MYO1E: variants seen among roughly 807,000 people sequenced by gnomAD.
The protein encoded by MYO1E is myosin IE.
MYO1E carries 68 observed loss-of-function variants against 151.1 expected under a neutral mutation model. That is an observed-to-expected ratio of 0.45 (90% CI 0.37 to 0.55). MYO1E has a LOEUF of 0.55. Ranked by LOEUF, MYO1E falls within the 20% of genes least tolerant of loss-of-function variation. The pLI is 0.00. For synonymous variants in MYO1E, 601 were observed against 501.7 expected, an observed-to-expected ratio of 1.20 and a Z score of -2.64; for missense variants, 1,363 against 1,389.3, an observed-to-expected ratio of 0.98 and a Z score of 0.30.
At chr15:59,200,467 C>T (rs2079794303) in intron 16 of MYO1E, among the ~76,000 whole-genome samples, 1 of 151,998 alleles carries the variant, frequency 6.6e-6, no homozygotes, top group African/African-American at 2.4e-5. Flanking sequence ...ACATGATGTT[C>T]TTGACGCTCA....
At chr15:59,358,148 T>A (rs2080865458) in intron 1 of MYO1E, among the ~76,000 whole-genome samples, 1 of 152,140 alleles carries the variant, frequency 6.6e-6, no homozygotes, top group Non-Finnish European at 1.5e-5. Context: ...CTTGCCACAT[T>A]GTCCTCCATG....
intron 1 of MYO1E, among the ~76,000 whole-genome samples, chr15:59,368,893 T>C (rs2080929464): frequency 6.6e-6 from 1 of 152,228 alleles, no homozygotes; most frequent in Non-Finnish European, 1.5e-5. Context: ...TCCAAGGAGA[T>C]GCCTGGGCTG....
intron 25 of MYO1E, among the ~76,000 whole-genome samples, chr15:59,156,665 G>A (rs1378790019): frequency 6.6e-6 from 1 of 152,174 alleles, no homozygotes; most frequent in Non-Finnish European, 1.5e-5. Context: ...TTGGACATTG[G>A]TACAAATAGA....
At chr15:59,310,390 G>A (rs2080543589) in intron 1 of MYO1E, among the ~76,000 whole-genome samples, 1 of 152,202 alleles carries the variant, frequency 6.6e-6, no homozygotes, top group Admixed American at 6.5e-5. Context: ...ATCAAGTTAA[G>A]ACGAAGTCAG....
At chr15:59,352,464 G>C (rs748904132) in intron 1 of MYO1E, among the ~76,000 whole-genome samples, 1 of 152,098 alleles carries the variant, frequency 6.6e-6, no homozygotes, top group Non-Finnish European at 1.5e-5. Context: ...GGATGCCCAC[G>C]CTATTAGTCC....
At chr15:59,340,285 G>C (rs955820377) in intron 1 of MYO1E, among the ~76,000 whole-genome samples, 3 of 152,080 alleles carry the variant, frequency 2.0e-5, no homozygotes, top group African/African-American at 7.2e-5. Flanking sequence ...ACTCCAGCCA[G>C]GATGACAAGC....
intron 2 of MYO1E, among the ~76,000 whole-genome samples, chr15:59,268,553 A>C (rs1240960372): frequency 6.6e-6 from 1 of 152,040 alleles, no homozygotes; most frequent in African/African-American, 2.4e-5. Context: ...CCATGCCAAA[A>C]ATTATGCAGA....
chr15:59,178,958 G>C (rs1432559124), intron 18 of MYO1E, among the ~76,000 whole-genome samples: 1 of 152,218 alleles, frequency 6.6e-6, no homozygotes, highest in Non-Finnish European at 1.5e-5. Context: ...CTGCTAAACA[G>C]CTATTATGAC....
intron 23 of MYO1E, among the ~76,000 whole-genome samples, chr15:59,162,222 T>C (rs2079541737): frequency 6.6e-6 from 1 of 152,204 alleles, no homozygotes; most frequent in African/African-American, 2.4e-5. Context: ...TATTTTTTAC[T>C]TTTTGTAGAG....
chr15:59,290,638 T>C (rs1205446716), intron 1 of MYO1E, among the ~76,000 whole-genome samples: 6 of 152,216 alleles, frequency 3.9e-5, no homozygotes, highest in Non-Finnish European at 5.9e-5. Flanking sequence ...GTGACAACGG[T>C]GCCTCAGCAC....
At chr15:59,274,795 C>G (rs557754049) in intron 1 of MYO1E, among the ~76,000 whole-genome samples, 1 of 152,254 alleles carries the variant, frequency 6.6e-6, no homozygotes, top group East Asian at 1.9e-4. Flanking sequence ...CTGTTTCCTC[C>G]TTTTTCTCAT....
At chr15:59,312,701 A>T (rs1193958403) in intron 1 of MYO1E, among the ~76,000 whole-genome samples, 1 of 152,086 alleles carries the variant, frequency 6.6e-6, no homozygotes, top group Non-Finnish European at 1.5e-5. Flanking sequence ...CAGCAGCATC[A>T]GCAACACCAG....
At chr15:59,287,213 G>T (rs952743074) in intron 1 of MYO1E, among the ~76,000 whole-genome samples, 2 of 152,122 alleles carry the variant, frequency 1.3e-5, no homozygotes, top group Non-Finnish European at 2.9e-5. Flanking sequence ...AGACATGAAG[G>T]GAGGCACTGT....
intron 22 of MYO1E, among the ~76,000 whole-genome samples, chr15:59,168,321 A>G (rs1468795035): frequency 6.6e-6 from 1 of 152,088 alleles, no homozygotes; most frequent in Admixed American, 6.5e-5. Flanking sequence ...CGAGGTGGGT[A>G]GATCCCATGA....
intron 1 of MYO1E, among the ~76,000 whole-genome samples, chr15:59,357,463 C>T (rs1197515794): frequency 7.0e-6 from 1 of 142,412 alleles, no homozygotes; most frequent in Non-Finnish European, 1.5e-5. Flanking sequence ...CTCACTCTGT[C>T]GCCCAGGCTG....
intron 1 of MYO1E, among the ~76,000 whole-genome samples, chr15:59,313,717 A>C (rs2080567574): frequency 6.6e-6 from 1 of 152,198 alleles, no homozygotes; most frequent in South Asian, 2.1e-4. Context: ...TTGTTAAGTA[A>C]ACTAGGACTC....
intron 1 of MYO1E, among the ~76,000 whole-genome samples, chr15:59,280,220 T>A (rs2080345131): frequency 6.6e-6 from 1 of 152,238 alleles, no homozygotes; most frequent in Non-Finnish European, 1.5e-5. Flanking sequence ...AAAGGATCAT[T>A]TTCTATATCA....
intron 4 of MYO1E, among the ~76,000 whole-genome samples, chr15:59,251,832 G>C (rs1370062519): frequency 6.6e-6 from 1 of 152,186 alleles, no homozygotes; most frequent in African/African-American, 2.4e-5. Context: ...TGTAGGTCAG[G>C]TTGACATAGA....
At chr15:59,336,470 A>G (rs1387265585) in intron 1 of MYO1E, among the ~76,000 whole-genome samples, 5 of 152,206 alleles carry the variant, frequency 3.3e-5, no homozygotes, top group Admixed American at 6.5e-5. Flanking sequence ...TCAGGCTTTC[A>G]TAAGTAACTT....
Sources: gnomAD v4.1 joint callset for allele counts (sites outside exome capture counted in the v4.1 genomes callset) on GRCh38, gnomAD v4.1.1 for gene constraint, MANE v1.5 for transcripts, NCBI Gene and HGNC (gene_info 2026-07-23, HGNC 2026-07-21) for gene names.